Variants in SNX25 observed in about 807,000 individuals in gnomAD.
The protein encoded by SNX25 is sorting nexin 25, also known as sorting nexin-25.
Under a neutral mutation model 113.7 loss-of-function variants are expected in SNX25, and 62 were observed. The observed-to-expected ratio is 0.55, with a 90% CI of 0.44 to 0.67. SNX25 has a LOEUF of 0.67. Ranked by LOEUF, SNX25 falls within the 30% of genes least tolerant of loss-of-function variation. SNX25 has a pLI of 0.00. For synonymous variants in SNX25, 421 were observed against 436.2 expected, an observed-to-expected ratio of 0.97 and a Z score of 0.43; for missense variants, 1,014 against 1,161.0, an observed-to-expected ratio of 0.87 and a Z score of 1.84.
intron 7 of SNX25, among the ~76,000 whole-genome samples, chr4:185,317,576 G>T (rs1303682382): frequency 6.6e-6 from 1 of 152,124 alleles, no homozygotes; most frequent in Non-Finnish European, 1.5e-5. Context: ...CAACCCAAAT[G>T]CCCATCAATG....
intron 6 of SNX25, among the ~76,000 whole-genome samples, chr4:185,291,545 T>C (rs1425792880): frequency 6.6e-6 from 1 of 152,220 alleles, no homozygotes; most frequent in Non-Finnish European, 1.5e-5. Flanking sequence ...AAAATGTATT[T>C]TCTCACAGTT....
chr4:185,349,239 C>G (rs946093752), intron 13 of SNX25, among the ~76,000 whole-genome samples: 1 of 152,148 alleles, frequency 6.6e-6, no homozygotes, highest in African/African-American at 2.4e-5. Context: ...TTGCATTGGG[C>G]TGCATGTAGC....
intron 1 of SNX25, among the ~76,000 whole-genome samples, chr4:185,226,657 C>T (rs965729684): frequency 6.6e-6 from 1 of 152,106 alleles, no homozygotes; most frequent in Non-Finnish European, 1.5e-5. Flanking sequence ...CACTATGTTG[C>T]CCGGGCTGGT....
chr4:185,204,902 T>G (rs1185299349), upstream of SNX25, among the ~76,000 whole-genome samples: 1 of 152,274 alleles, frequency 6.6e-6, no homozygotes, highest in Non-Finnish European at 1.5e-5. Flanking sequence ...ACTTAATACC[T>G]TAAGCACTGT....
chr4:185,373,021 A>G, downstream of SNX25: 4 of 1,613,328 alleles, frequency 2.5e-6, no homozygotes, highest in Non-Finnish European at 3.4e-6. Flanking sequence ...CATGAGCCCA[A>G]GTGCACCCTG....
In SNX25 at chr4:185,341,170, G is replaced by A. The variant is rs186988148; in HGVS notation, c.2047-806G>A. Among the ~76,000 whole-genome samples the A allele has an allele frequency of 4.5e-3, 690 of 152,310 alleles. 3 individuals carry two copies. The highest frequency in any genetic ancestry group is 0.01 in the Middle Eastern group (3 of 294). The stretch of plus-strand genomic sequence containing the variant: ...CTATTGTTTTCTCTTAGCTTCTTAT[G>A]TTAAGTATAGTAGTGGCCTATTCTG... On this transcript the variant is annotated intron_variant, in intron 11 of 18. Coordinates refer to ENST00000652585, the MANE Select transcript of SNX25 (RefSeq NM_001378034.2).
At chr4:185,368,859 C>T (rs543581886), downstream of SNX25, among the ~76,000 whole-genome samples, 12 of 149,412 alleles carry the variant, frequency 8.0e-5, no homozygotes, top group East Asian at 2.4e-3. Flanking sequence ...AGCGGCACAG[C>T]CTCGGCTCAC....
chr4:185,347,602 CT>C (rs1489273738), intron 13 of SNX25, among the ~76,000 whole-genome samples: 1 of 152,134 alleles, frequency 6.6e-6, no homozygotes, highest in Non-Finnish European at 1.5e-5. Flanking sequence ...TCCCAAGTAG[CT>C]GGGATTACAG....
intron 1 of SNX25, among the ~76,000 whole-genome samples, chr4:185,216,177 A>G (rs972449863): frequency 4.5e-4 from 69 of 152,216 alleles, no homozygotes; most frequent in Admixed American, 1.8e-3. Context: ...AGAAAGGTAT[A>G]CAGTGAAAAA....
chr4:185,246,008 C>A (rs572086129), intron 1 of SNX25, among the ~76,000 whole-genome samples: 1 of 151,996 alleles, frequency 6.6e-6, no homozygotes, highest in South Asian at 2.1e-4. Flanking sequence ...TCCTTTAGGC[C>A]GGGTGCGGTG....
chr4:185,360,054 T>C (rs951999472), intron 16 of SNX25, among the ~76,000 whole-genome samples: 5 of 152,172 alleles, frequency 3.3e-5, no homozygotes, highest in African/African-American at 1.2e-4. Flanking sequence ...CATGCTAGAA[T>C]TGCTTCAAAA....
At chr4:185,366,846 AAAG>A (rs1393462528), downstream of SNX25, 61 of 171,188 alleles carry the variant, frequency 3.6e-4, no homozygotes, top group African/African-American at 1.4e-3. Flanking sequence ...TTACTAAACT[AAAG>A]CTAAACTAAG....
At chr4:185,310,102 A>G (rs1258932654) in intron 6 of SNX25, among the ~76,000 whole-genome samples, 3 of 152,246 alleles carry the variant, frequency 2.0e-5, no homozygotes, top group African/African-American at 7.2e-5. Flanking sequence ...TTCCTCAAAG[A>G]AGCCTGAGTT....
At chr4:185,374,433 A>T, downstream of SNX25, 1 of 1,614,002 alleles carries the variant, frequency 6.2e-7, no homozygotes, top group Non-Finnish European at 8.5e-7. Flanking sequence ...AGAATCAAGA[A>T]TTTTCTTCAT....
At chr4:185,280,551 T>C (rs932334059) in intron 5 of SNX25, among the ~76,000 whole-genome samples, 21 of 152,202 alleles carry the variant, frequency 1.4e-4, no homozygotes, top group African/African-American at 5.1e-4. Context: ...TATGCTACTT[T>C]AGAGAAAGTA....
rs1742045784 is a variant in SNX25 at position 185,232,689 on chromosome 4, G to C, written c.430-14605G>C. ...ATTCAACGTGACTCATCCAGTTGTTGAGTTACAGGACAGCTTTAAAGCAGG... is the reference window on the plus strand; with the variant it reads ...ATTCAACGTGACTCATCCAGTTGTTCAGTTACAGGACAGCTTTAAAGCAGG... On this transcript the variant is annotated intron_variant, in intron 1 of 18. Transcript: ENST00000652585. The surrounding 1 kb of genome is among the most constrained non-coding windows in gnomAD (Gnocchi z 4.4). Among the ~76,000 whole-genome samples, 2 of 152,180 alleles carry C rather than the reference G, an allele frequency of 1.3e-5. No individual in the cohort carries two copies. Among genetic ancestry groups the C allele is most frequent in the African/African-American group, 4.8e-5 (2 of 41,438 alleles).
chr4:185,303,686 G>T (rs1021536466), intron 6 of SNX25, among the ~76,000 whole-genome samples: 1 of 146,700 alleles, frequency 6.8e-6, no homozygotes, highest in Non-Finnish European at 1.5e-5. Context: ...AAAAAAGCAA[G>T]GCAGGGCACA....
intron 13 of SNX25, 65 bp from the exon 14 acceptor site, chr4:185,351,380 C>G: frequency 6.5e-7 from 1 of 1,538,650 alleles, no homozygotes. Flanking sequence ...CTCACCTTTA[C>G]TTGTAGCTCC....
Position 185,323,816 on chromosome 4 carries a change from C to T in SNX25, c.1749+16C>T, listed in dbSNP as rs1561013470. ...GGATGAGATGGTGAGTCACATTTAA[C>T]TTTCTGCTCCTTTTTATTGGATAAG... is the stretch of plus-strand genomic sequence containing the variant. On this transcript the variant is annotated intron_variant, in intron 9 of 18. Coordinates refer to ENST00000652585, the MANE Select transcript of SNX25 (RefSeq NM_001378034.2). 1.2e-6 allele frequency: 2 copies of T among 1,607,844 alleles called. No homozygotes were observed. The highest frequency in any genetic ancestry group is 1.7e-6 in the Non-Finnish European group (2 of 1,178,760).
Sources: gnomAD v4.1 joint callset for allele counts (sites outside exome capture counted in the v4.1 genomes callset) on GRCh38, gnomAD v4.1.1 for gene constraint, Gnocchi (gnomAD v3.1) non-coding constraint, MANE v1.5 for transcripts, NCBI Gene and HGNC (gene_info 2026-07-23, HGNC 2026-07-21) for gene names.